SPATA6: variants seen among roughly 807,000 people sequenced by gnomAD.
SPATA6 encodes the protein spermatogenesis associated 6.
A neutral mutation model predicts 65.3 loss-of-function variants in SPATA6; 56 were observed. The ratio of observed to expected loss-of-function variants is 0.86; its 90% CI spans 0.69 to 1.07. The LOEUF (loss-of-function observed/expected upper bound fraction) is 1.07, where lower values mean the gene tolerates loss of function less well. Ranked by LOEUF, SPATA6 falls within the 50% of genes least tolerant of loss-of-function variation. The pLI is 0.00. For synonymous variants in SPATA6, 199 were observed against 213.2 expected (o/e 0.93, Z 0.58); for missense variants, 590 against 594.8 (o/e 0.99, Z 0.08).
intron 3 of SPATA6, among the ~76,000 whole-genome samples, chr1:48,441,375 T>A (rs1436514569): frequency 6.6e-6 from 1 of 150,834 alleles, no homozygotes; most frequent in Non-Finnish European, 1.5e-5. Context: ...CAGCCTGTAA[T>A]CAGGTATTTC....
the SPATA6 span, among the ~76,000 whole-genome samples, chr1:48,274,649 T>C: frequency 6.6e-6 from 1 of 152,216 alleles, no homozygotes; most frequent in Non-Finnish European, 1.5e-5. Context: ...CATATGGTTG[T>C]AGATATGTGG....
At chr1:48,395,803 T>C (rs970279744) in intron 7 of SPATA6, among the ~76,000 whole-genome samples, 2 of 151,254 alleles carry the variant, frequency 1.3e-5, no homozygotes, top group African/African-American at 4.9e-5. Context: ...TAGCTTAATA[T>C]AATAATAGTT....
chr1:48,363,636 ACTTT>A (rs1355712514), intron 9 of SPATA6, among the ~76,000 whole-genome samples: 1 of 151,992 alleles, frequency 6.6e-6, no homozygotes, highest in Non-Finnish European at 1.5e-5. Flanking sequence ...TTTTTTAATG[ACTTT>A]CTATGAACCC....
chr1:48,338,131 A>T (rs1047428214), intron 11 of SPATA6, among the ~76,000 whole-genome samples: 13 of 152,062 alleles, frequency 8.5e-5, no homozygotes, highest in African/African-American at 3.1e-4. Flanking sequence ...AAACCAATAA[A>T]ATAGAAGAAA....
Position 48,428,775 on chromosome 1 carries a change from A to ATGTGTGTGTGTGTGTGTGTGTG in SPATA6, c.239-15646_239-15625dup, listed in dbSNP as rs59651745. ...CACGGTCAACTGTATAGGTGTATAT[A>ATGTGTGTGTGTGTGTGTGTGTG]TGTGTGTGTGTGTGTGTGTGTGTGT... On this transcript the variant is annotated intron_variant, in intron 3 of 12. Transcript: ENST00000371847. Among the ~76,000 whole-genome samples the ATGTGTGTGTGTGTGTGTGTGTG allele has an allele frequency of 3.0e-3, 404 of 133,518 alleles. 3 individuals are homozygous for ATGTGTGTGTGTGTGTGTGTGTG. The highest frequency in any genetic ancestry group is 0.013 in the Middle Eastern group (3 of 238). The allele number at this position is 133,518 out of a possible 152,430, so 87.6% of individuals were successfully genotyped here. A position where few individuals can be genotyped will look rare whatever the true frequency, so the allele number is the denominator to read the frequency against.
chr1:48,386,190 C>T (rs1008336301), intron 8 of SPATA6, among the ~76,000 whole-genome samples: 5 of 152,138 alleles, frequency 3.3e-5, no homozygotes, highest in Admixed American at 1.3e-4. Context: ...TAACATGATA[C>T]ACTTCGTGAA....
At chr1:48,355,633 T>C in intron 11 of SPATA6, 37 bp downstream of exon 11, 1 of 1,482,724 alleles carries the variant, frequency 6.7e-7, no homozygotes, top group South Asian at 1.2e-5. Flanking sequence ...CTTGACCTAT[T>C]ATAAATAGTC....
chr1:48,438,085 C>A (rs1655113241), intron 3 of SPATA6, among the ~76,000 whole-genome samples: 1 of 152,070 alleles, frequency 6.6e-6, no homozygotes, highest in Non-Finnish European at 1.5e-5. Context: ...CGCTCAGGTC[C>A]CCTTCCACGC....
At chr1:48,463,657 G>C (rs1657606499) in intron 1 of SPATA6, among the ~76,000 whole-genome samples, 1 of 151,976 alleles carries the variant, frequency 6.6e-6, no homozygotes, top group African/African-American at 2.4e-5. Context: ...AGGAAAAAGG[G>C]ATTTTATTAG....
rs907932562 is a variant in SPATA6 at position 48,297,546 on chromosome 1, T to G, written c.*1167A>C. 1.9e-4 allele frequency: 29 copies of G among 152,324 alleles called. No individual in the cohort carries two copies. The highest frequency in any genetic ancestry group is 7.0e-4 in the African/African-American group (29 of 41,576). 9.4% of individuals were successfully genotyped at this position (152,324 alleles called of 1,614,324 possible). On this transcript the variant is annotated 3_prime_UTR_variant, in exon 13 of 13. Coordinates refer to ENST00000371847, the MANE Select transcript of SPATA6 (RefSeq NM_019073.4). ...AGTTCATTTTGTTCTTTTTCAATCA[T>G]AACTGTAAAATTAATCAAAAACAGA...
chr1:48,280,821 T>C, the SPATA6 span, among the ~76,000 whole-genome samples: 1 of 152,310 alleles, frequency 6.6e-6, no homozygotes, highest in African/African-American at 2.4e-5. Flanking sequence ...GAATCCTCCC[T>C]AACTCATTTT....
At chr1:48,443,711 G>C (rs943654290) in intron 3 of SPATA6, among the ~76,000 whole-genome samples, 2 of 152,192 alleles carry the variant, frequency 1.3e-5, no homozygotes, top group Admixed American at 6.5e-5. Flanking sequence ...TCTGAAATCA[G>C]ACAACGCCTG....
chr1:48,415,443 AAC>A (rs1652672952), intron 3 of SPATA6, among the ~76,000 whole-genome samples: 1 of 152,148 alleles, frequency 6.6e-6, no homozygotes, highest in African/African-American at 2.4e-5. Flanking sequence ...TTTTGTTTTT[AAC>A]ACAGACAACT....
chr1:48,436,029 A>C, intron 3 of SPATA6: 1 of 1,608,802 alleles, frequency 6.2e-7, no homozygotes, highest in Non-Finnish European at 8.5e-7. Context: ...GACCTGAAAA[A>C]CAGTCTGAAA....
intron 11 of SPATA6, among the ~76,000 whole-genome samples, chr1:48,326,939 C>T (rs1420854209): frequency 3.9e-5 from 6 of 151,920 alleles, no homozygotes; most frequent in Non-Finnish European, 8.8e-5. Flanking sequence ...GAATATTGGC[C>T]TAGACAAACA....
At chr1:48,367,823 A>T (rs1278605033) in intron 9 of SPATA6, among the ~76,000 whole-genome samples, 2 of 152,126 alleles carry the variant, frequency 1.3e-5, no homozygotes, top group African/African-American at 2.4e-5. Context: ...TTATGTGTGA[A>T]TTTGATCCTG....
intron 11 of SPATA6, among the ~76,000 whole-genome samples, chr1:48,335,592 G>T (rs1250172869): frequency 6.6e-6 from 1 of 152,118 alleles, no homozygotes; most frequent in African/African-American, 2.4e-5. Context: ...GCTGAAGATT[G>T]AAACTGGACC....
chr1:48,355,633 TATAA>T (rs1320787874), intron 11 of SPATA6, 33 bp downstream of exon 11: 5 of 1,482,724 alleles, frequency 3.4e-6, no homozygotes, highest in Admixed American at 1.7e-5. Context: ...CTTGACCTAT[TATAA>T]ATAGTCTTCA....
At chr1:48,415,245 G>A (rs946369061) in intron 3 of SPATA6, among the ~76,000 whole-genome samples, 2 of 152,204 alleles carry the variant, frequency 1.3e-5, no homozygotes, top group Non-Finnish European at 2.9e-5. Context: ...GGTTGGACAG[G>A]ACGTTGCTGG....
Sources: gnomAD v4.1 joint callset for allele counts (sites outside exome capture counted in the v4.1 genomes callset) on GRCh38, gnomAD v4.1.1 for gene constraint, MANE v1.5 for transcripts, NCBI Gene and HGNC (gene_info 2026-07-23, HGNC 2026-07-21) for gene names.